The following ATG7 variants were observed in gnomAD, a reference collection of about 807,000 sequenced individuals.
ATG7 encodes the protein autophagy related 7, also known as ubiquitin-like modifier-activating enzyme ATG7.
A neutral mutation model predicts 82.4 loss-of-function variants in ATG7; 70 were observed. The observed-to-expected ratio is 0.85, with a 90% CI of 0.70 to 1.04. The LOEUF is 1.04. ATG7 is among the 50% of genes least tolerant of loss of function. ATG7 has a pLI of 0.00. For missense variants in ATG7, 792 were observed against 864.3 expected (o/e 0.92, Z 1.05); for synonymous variants, 287 against 313.0 (o/e 0.92, Z 0.88).
Position 11,327,338 on chromosome 3 carries a change from C to T in ATG7, c.679-4002C>T, listed in dbSNP as rs150723126. Among the ~76,000 whole-genome samples, 284 of 152,310 alleles carry T rather than the reference C, an allele frequency of 1.9e-3. 1 individual carries two copies. Among genetic ancestry groups the T allele is most frequent in the African/African-American group, 6.5e-3 (271 of 41,578 alleles). The stretch of plus-strand genomic sequence containing the variant: ...TTTCTTACAATTGTGTATATTTATG[C>T]AGTGAACCCTCTTTTAAGCAAATAT... On this transcript the variant is annotated intron_variant, in intron 9 of 20. Coordinates refer to ENST00000693202, the MANE Select transcript of ATG7 (RefSeq NM_001349232.2).
chr3:11,513,393 G>A lies in ATG7; in HGVS notation c.2080-41418G>A, dbSNP rs897496519. On this transcript the variant is annotated intron_variant, in intron 20 of 20. Coordinates refer to ENST00000693202, the MANE Select transcript of ATG7 (RefSeq NM_001349232.2). ...CAGGTCCTGAGCCCTGCCCCGCGGGGAGGCAGCTAAGGCCCAGGGAGAAAT... is the reference window on the plus strand; with the variant it reads ...CAGGTCCTGAGCCCTGCCCCGCGGGAAGGCAGCTAAGGCCCAGGGAGAAAT... Among the ~76,000 whole-genome samples the A allele has an allele frequency of 2.4e-4, 37 of 152,340 alleles. 1 individual carries two copies. The South Asian group carries it at 3.7e-3, about 15-fold the overall frequency.
At chr3:11,294,950 T>TA (rs1945625750) in intron 3 of ATG7, among the ~76,000 whole-genome samples, 1 of 152,038 alleles carries the variant, frequency 6.6e-6, no homozygotes, top group Non-Finnish European at 1.5e-5. Context: ...ACATCTCTCC[T>TA]AAAAAACAAA....
At chr3:11,363,449 G>A (rs2076403003) in intron 17 of ATG7, among the ~76,000 whole-genome samples, 2 of 152,148 alleles carry the variant, frequency 1.3e-5, no homozygotes, top group African/African-American at 4.8e-5. Flanking sequence ...TGCCATGTTG[G>A]TCAGGCTAGT....
chr3:11,436,649 G>A (rs1026007458), intron 20 of ATG7, among the ~76,000 whole-genome samples: 1 of 152,180 alleles, frequency 6.6e-6, no homozygotes, highest in Non-Finnish European at 1.5e-5. Flanking sequence ...GTCAAAAAGT[G>A]GAAACAATGC....
intron 20 of ATG7, among the ~76,000 whole-genome samples, chr3:11,523,290 C>T (rs922339787): frequency 7.9e-5 from 12 of 152,134 alleles, no homozygotes; most frequent in Admixed American, 2.0e-4. Context: ...AAATAGGGAA[C>T]GTTCAATTGT....
At chr3:11,286,599 T>C (rs1403392985) in intron 3 of ATG7, among the ~76,000 whole-genome samples, 1 of 137,920 alleles carries the variant, frequency 7.3e-6, no homozygotes, top group Non-Finnish European at 1.5e-5. Flanking sequence ...TTTTTTTTTT[T>C]TTTTTTTTTG....
At chr3:11,458,455 G>C (rs866039862) in intron 20 of ATG7, among the ~76,000 whole-genome samples, 12 of 152,204 alleles carry the variant, frequency 7.9e-5, no homozygotes, top group African/African-American at 2.4e-4. Flanking sequence ...AGTAGAGACT[G>C]GGTTTCACCG....
rs542050857 is a variant in ATG7 at position 11,543,770 on chromosome 3, C to T, written c.2080-11041C>T. Among the ~76,000 whole-genome samples the T allele has an allele frequency of 1.6e-4, 25 of 152,324 alleles. No individual in the cohort carries two copies. The East Asian group carries it at 3.9e-3, about 24-fold the overall frequency. The stretch of plus-strand genomic sequence containing the variant: ...CCAAAAAATTAGCTAGGCGTGGTGG[C>T]GCACGCCTGTTATCCCGGCTACTCA... On this transcript the variant is annotated intron_variant, in intron 20 of 20. Transcript: ENST00000693202.
chr3:11,427,710 G>A (rs2082491077), intron 20 of ATG7, among the ~76,000 whole-genome samples: 1 of 151,876 alleles, frequency 6.6e-6, no homozygotes, highest in Non-Finnish European at 1.5e-5. Flanking sequence ...AGCCACTCGG[G>A]AGGCTGAGGC....
intron 20 of ATG7, among the ~76,000 whole-genome samples, chr3:11,439,069 C>CTTTTTTTTTTTTTTTTTTTTTTTTTTTTT (rs67206280): frequency 2.5e-5 from 3 of 121,976 alleles, no homozygotes; most frequent in Non-Finnish European, 4.9e-5. Context: ...TTCTTTCTTT[C>CTTTTTTTTTTTTTTTTTTTTTTTTTTTTT]TTTTTTTTTT....
chr3:11,325,715 C>T (rs774476219), intron 9 of ATG7, among the ~76,000 whole-genome samples: 14 of 151,760 alleles, frequency 9.2e-5, no homozygotes, highest in Non-Finnish European at 1.8e-4. Flanking sequence ...AAAATTAAGG[C>T]ATAGAGAAGT....
chr3:11,471,209 C>A (rs1436769281), intron 20 of ATG7, among the ~76,000 whole-genome samples: 1 of 152,162 alleles, frequency 6.6e-6, no homozygotes, highest in Non-Finnish European at 1.5e-5. Flanking sequence ...GAGATCAGCT[C>A]TTCAGCATGG....
chr3:11,428,967 T>C (rs1374741934), intron 20 of ATG7, among the ~76,000 whole-genome samples: 3 of 152,178 alleles, frequency 2.0e-5, no homozygotes, highest in African/African-American at 2.4e-5. Context: ...TTAAAAGCAA[T>C]AGTGACTAAA....
chr3:11,344,557 A>G (rs1954192192), intron 13 of ATG7, among the ~76,000 whole-genome samples: 1 of 152,134 alleles, frequency 6.6e-6, no homozygotes, highest in African/African-American at 2.4e-5. Flanking sequence ...TTCAATTAGT[A>G]ATGTTTTGTT....
chr3:11,396,550 G>A (rs1021236745), intron 19 of ATG7, among the ~76,000 whole-genome samples: 1 of 152,022 alleles, frequency 6.6e-6, no homozygotes, highest in Admixed American at 6.6e-5. Flanking sequence ...GCCGAGGTGG[G>A]CGGATCACTC....
intron 18 of ATG7, among the ~76,000 whole-genome samples, chr3:11,369,249 A>T (rs1019922087): frequency 6.6e-6 from 1 of 151,172 alleles, no homozygotes; most frequent in African/African-American, 2.4e-5. Context: ...CTTAGCAGAT[A>T]AGCAATAAGA....
chr3:11,275,356 T>TC (rs1286842508), intron 1 of ATG7, among the ~76,000 whole-genome samples: 2 of 150,620 alleles, frequency 1.3e-5, no homozygotes, highest in East Asian at 3.9e-4. Context: ...TTTTTTTTTT[T>TC]CTTTTTTTTT....
chr3:11,417,052 T>A (rs2081428669), intron 19 of ATG7, among the ~76,000 whole-genome samples: 1 of 152,052 alleles, frequency 6.6e-6, no homozygotes, highest in Admixed American at 6.5e-5. Flanking sequence ...CTCTTTATGA[T>A]TTCTTTTCTT....
chr3:11,387,588 C>G (rs1234612254), intron 19 of ATG7, among the ~76,000 whole-genome samples: 1 of 152,200 alleles, frequency 6.6e-6, no homozygotes, highest in African/African-American at 2.4e-5. Context: ...TCATTCACCT[C>G]TAGTCTTATC....
Sources: gnomAD v4.1 joint callset for allele counts (sites outside exome capture counted in the v4.1 genomes callset) on GRCh38, gnomAD v4.1.1 for gene constraint, MANE v1.5 for transcripts, NCBI Gene and HGNC (gene_info 2026-07-23, HGNC 2026-07-21) for gene names.